The following PRKD1 variants were observed in gnomAD, a reference collection of about 807,000 sequenced individuals.
PRKD1 encodes serine/threonine-protein kinase D1.
Under a neutral mutation model 95.9 loss-of-function variants are expected in PRKD1, and 63 were observed. The ratio of observed to expected loss-of-function variants is 0.66; its 90% CI spans 0.54 to 0.81. The LOEUF is 0.81. PRKD1 is among the 30% of genes least tolerant of loss of function. The pLI is 0.00. For missense variants in PRKD1, 1,048 were observed against 1,165.3 expected (o/e 0.90, Z 1.47); for synonymous variants, 425 against 423.1 (o/e 1.00, Z -0.05).
intron 1 of PRKD1, among the ~76,000 whole-genome samples, chr14:29,885,830 A>AAAAAAAAAAG (rs71108502): frequency 6.8e-6 from 1 of 146,636 alleles, no homozygotes; most frequent in Non-Finnish European, 1.5e-5. Flanking sequence ...AAAAAAAAAA[A>AAAAAAAAAAG]TAGCCAGGCG....
intron 13 of PRKD1, among the ~76,000 whole-genome samples, chr14:29,609,275 A>C (rs561130841): frequency 6.6e-6 from 1 of 152,174 alleles, no homozygotes; most frequent in Non-Finnish European, 1.5e-5. Flanking sequence ...TTAACTGCTA[A>C]TGACAACAGA....
At chr14:29,832,823 C>G (rs1036478490) in intron 1 of PRKD1, among the ~76,000 whole-genome samples, 2 of 151,934 alleles carry the variant, frequency 1.3e-5, no homozygotes, top group African/African-American at 2.4e-5. Context: ...ATAACATTAT[C>G]CATCTTAACA....
At chr14:29,685,797 C>T (rs1007104113) in intron 2 of PRKD1, among the ~76,000 whole-genome samples, 3 of 151,920 alleles carry the variant, frequency 2.0e-5, no homozygotes, top group Non-Finnish European at 2.9e-5. Flanking sequence ...CTAACTATAA[C>T]TCAAGTTCAG....
chr14:29,820,942 TG>T (rs1189681285), intron 1 of PRKD1, among the ~76,000 whole-genome samples: 1 of 152,054 alleles, frequency 6.6e-6, no homozygotes, highest in Non-Finnish European at 1.5e-5. Context: ...TGAGATGTAA[TG>T]GGGGAATGAG....
chr14:29,836,715 T>C (rs1481659837), intron 1 of PRKD1, among the ~76,000 whole-genome samples: 1 of 152,144 alleles, frequency 6.6e-6, no homozygotes, highest in African/African-American at 2.4e-5. Flanking sequence ...GAGAGGGTTC[T>C]GAGAGGAAGA....
chr14:29,731,646 C>T (rs776895579), intron 1 of PRKD1, among the ~76,000 whole-genome samples: 2 of 152,104 alleles, frequency 1.3e-5, no homozygotes, highest in Admixed American at 6.6e-5. Flanking sequence ...AAACTTGGTA[C>T]ATTTTCTTGA....
chr14:29,732,378 C>T (rs931492456), intron 1 of PRKD1, among the ~76,000 whole-genome samples: 1 of 151,950 alleles, frequency 6.6e-6, no homozygotes, highest in African/African-American at 2.4e-5. Context: ...ATTTCACACA[C>T]AATGACCTTA....
chr14:29,832,479 T>C (rs908188682), intron 1 of PRKD1, among the ~76,000 whole-genome samples: 1 of 152,160 alleles, frequency 6.6e-6, no homozygotes, highest in African/African-American at 2.4e-5. Context: ...AATTGGCCTT[T>C]AGTTTTTTTA....
chr14:29,825,882 C>T (rs185279566), intron 1 of PRKD1, among the ~76,000 whole-genome samples: 1 of 151,888 alleles, frequency 6.6e-6, no homozygotes, highest in Admixed American at 6.6e-5. Context: ...TTTTCCCCCA[C>T]CAAAACAAAA....
chr14:29,834,158 C>T (rs1263016527), intron 1 of PRKD1, among the ~76,000 whole-genome samples: 1 of 152,088 alleles, frequency 6.6e-6, no homozygotes, highest in East Asian at 1.9e-4. Flanking sequence ...TAGGGTTTCT[C>T]AGTAAAAACA....
At chr14:29,631,047 GTTGT>G in intron 9 of PRKD1, 26 bp from the exon 10 acceptor site, 2 of 1,563,830 alleles carry the variant, frequency 1.3e-6, no homozygotes, top group South Asian at 2.4e-5. Context: ...AGTACTAAAT[GTTGT>G]TTATCAAAAG....
intron 1 of PRKD1, among the ~76,000 whole-genome samples, chr14:29,772,449 C>T (rs572712681): frequency 6.6e-6 from 1 of 152,286 alleles, no homozygotes; most frequent in East Asian, 1.9e-4. Context: ...GTGAGCAATA[C>T]ATTTCTGTTG....
At chr14:29,882,523 G>C (rs908322133) in intron 1 of PRKD1, among the ~76,000 whole-genome samples, 2 of 152,170 alleles carry the variant, frequency 1.3e-5, no homozygotes, top group Non-Finnish European at 2.9e-5. Flanking sequence ...GAGATAATAT[G>C]ACATAAAATT....
intron 1 of PRKD1, among the ~76,000 whole-genome samples, chr14:29,760,800 T>C (rs1566584957): frequency 6.6e-6 from 1 of 152,206 alleles, no homozygotes; most frequent in Non-Finnish European, 1.5e-5. Context: ...TTAAACACAT[T>C]TGCCTTGATA....
chr14:29,734,957 T>TA (rs1163863145), intron 1 of PRKD1, among the ~76,000 whole-genome samples: 1 of 152,162 alleles, frequency 6.6e-6, no homozygotes, highest in Non-Finnish European at 1.5e-5. Context: ...GAAGCTCAGG[T>TA]GTTTGTAGTA....
At chr14:29,784,707 T>C (rs1889191132) in intron 1 of PRKD1, among the ~76,000 whole-genome samples, 1 of 152,172 alleles carries the variant, frequency 6.6e-6, no homozygotes, top group Non-Finnish European at 1.5e-5. Flanking sequence ...GGTTCACGGT[T>C]CAGCGTTCAG....
intron 1 of PRKD1, among the ~76,000 whole-genome samples, chr14:29,829,291 A>C (rs1302008911): frequency 6.6e-6 from 1 of 152,216 alleles, no homozygotes; most frequent in Non-Finnish European, 1.5e-5. Context: ...TAAGTTGTTT[A>C]ATGTCACTAA....
At chr14:29,597,373 G>A in intron 16 of PRKD1, 118 bp downstream of exon 16, 1 of 1,088,244 alleles carries the variant, frequency 9.2e-7, no homozygotes, top group East Asian at 2.7e-5. Context: ...TCTCCACTCT[G>A]GTGGGCACTT....
At chr14:29,632,731 G>C (rs1013792489) in intron 9 of PRKD1, 138 bp downstream of exon 9, 2 of 724,018 alleles carry the variant, frequency 2.8e-6, no homozygotes, top group African/African-American at 3.6e-5. Context: ...AGACTATAGA[G>C]AAGAAAAAAA....
Sources: allele counts gnomAD v4.1 joint callset (sites outside exome capture counted in the v4.1 genomes callset), GRCh38; gene constraint gnomAD v4.1.1; transcripts MANE v1.5; gene names NCBI Gene and HGNC (gene_info 2026-07-23, HGNC 2026-07-21).